The following INSR variants were observed in gnomAD, a reference collection of about 807,000 sequenced individuals.
INSR encodes the protein insulin receptor, also known as IR.
INSR carries 67 observed loss-of-function variants against 142.6 expected under a neutral mutation model. The observed-to-expected ratio is 0.47, with a 90% CI of 0.39 to 0.58. The LOEUF is 0.58. Ranked by LOEUF, INSR falls within the 20% of genes least tolerant of loss-of-function variation. The pLI, the probability that INSR is intolerant of heterozygous loss-of-function variation, is 0.00. For missense variants in INSR, 1,248 were observed against 1,833.2 expected (o/e 0.68, Z 5.83); for synonymous variants, 756 against 743.1 (o/e 1.02, Z -0.28).
chr19:7,158,367 G>A (rs556647556), intron 9 of INSR, among the ~76,000 whole-genome samples: 13 of 152,216 alleles, frequency 8.5e-5, no homozygotes, highest in East Asian at 5.8e-4. Flanking sequence ...CGGGCGTGGT[G>A]GCGGGCGCCT....
intron 13 of INSR, among the ~76,000 whole-genome samples, chr19:7,135,418 C>A (rs1388123713): frequency 7.4e-6 from 1 of 135,434 alleles, no homozygotes; most frequent in African/African-American, 2.8e-5. Context: ...CGAGTTCAAG[C>A]GATTCTCCTG....
At chr19:7,264,000 T>A (rs1229964336) in intron 2 of INSR, among the ~76,000 whole-genome samples, 1 of 152,002 alleles carries the variant, frequency 6.6e-6, no homozygotes, top group African/African-American at 2.4e-5. Flanking sequence ...AGAAATCCCA[T>A]CTCTACTAAA....
chr19:7,198,884 T>C (rs921256427), intron 2 of INSR, among the ~76,000 whole-genome samples: 1 of 120,012 alleles, frequency 8.3e-6, no homozygotes, highest in African/African-American at 2.9e-5. Flanking sequence ...TTCACCCCCA[T>C]AAATACACTT....
At position 7,119,353 on chromosome 19, in the gene INSR, C is replaced by T. The variant is rs1017572762; in HGVS notation, c.3794+96G>A. 5.1e-6 allele frequency: 7 copies of T among 1,363,538 alleles called. No individual in the cohort carries two copies. The African/African-American group carries it at 5.7e-5, about 11-fold the overall frequency. The allele number at this position is 1,363,538 out of a possible 1,614,324, so 84.5% of individuals were successfully genotyped here. A position where few individuals can be genotyped will look rare whatever the true frequency, so the allele number is the denominator to read the frequency against. On this transcript the variant is annotated intron_variant, in intron 21 of 21. Coordinates refer to ENST00000302850, the MANE Select transcript of INSR (RefSeq NM_000208.4). This position sits in a 1 kb window ranked among gnomAD's most constrained non-coding sequence, Gnocchi z 5.2. Reference sequence around the variant, plus strand: ...ACATACAGCATGCAAACACGGTGAGCGTGTAGACATAGGAAAGGCAAAACC... The same window carrying T: ...ACATACAGCATGCAAACACGGTGAGTGTGTAGACATAGGAAAGGCAAAACC...
chr19:7,194,436 A>G (rs1234621719), intron 2 of INSR, among the ~76,000 whole-genome samples: 1 of 142,964 alleles, frequency 7.0e-6, no homozygotes, highest in Non-Finnish European at 1.5e-5. Context: ...AAAAAAAATT[A>G]TCTTTGCCTT....
chr19:7,268,515 C>T (rs546584228), intron 1 of INSR: 1 of 985,376 alleles, frequency 1.0e-6, no homozygotes, highest in East Asian at 1.1e-4. Flanking sequence ...CAACGCCCAC[C>T]ATGGCTCCCC....
At position 7,115,493 on chromosome 19, in the gene INSR, T is replaced by C. The variant is rs1568422465; in HGVS notation, c.*1563A>G. 1 of 152,262 alleles carries C rather than the reference T, an allele frequency of 6.6e-6. No individual in the cohort carries two copies. The allele number at this position is 152,262 out of a possible 1,614,324, so 9.4% of individuals were successfully genotyped here. A position where few individuals can be genotyped will look rare whatever the true frequency, so the allele number is the denominator to read the frequency against. ...CTCAGAGCAGCTTCCGGGAGTTCAG[T>C]ACTGAGGACCGTCAGATGCTCTCAG... is the stretch of plus-strand genomic sequence containing the variant. On this transcript the variant is annotated 3_prime_UTR_variant, in exon 22 of 22. Coordinates refer to ENST00000302850, the MANE Select transcript of INSR (RefSeq NM_000208.4).
At chr19:7,249,696 T>TA (rs199926592) in intron 2 of INSR, among the ~76,000 whole-genome samples, 29 of 150,834 alleles carry the variant, frequency 1.9e-4, no homozygotes, top group Admixed American at 1.3e-3. Flanking sequence ...AAAAATAAAT[T>TA]AAAAAAAAAT....
intron 2 of INSR, among the ~76,000 whole-genome samples, chr19:7,265,611 T>C (rs536907609): frequency 6.6e-6 from 1 of 151,930 alleles, no homozygotes; most frequent in South Asian, 2.1e-4. Context: ...GGTGGGTGCC[T>C]GTAATCCCAG....
chr19:7,197,147 C>CGGG (rs1486116544), intron 2 of INSR, among the ~76,000 whole-genome samples: 1 of 152,228 alleles, frequency 6.6e-6, no homozygotes. Flanking sequence ...GTCCTTGAAG[C>CGGG]GGGGAAGCGC....
intron 3 of INSR, among the ~76,000 whole-genome samples, chr19:7,180,209 A>C (rs1189591940): frequency 1.3e-5 from 2 of 152,154 alleles, no homozygotes. Context: ...CACAAAGCTT[A>C]TCATCTGGTT....
rs1465167722 is a variant in INSR, at chr19:7,119,751, C to T, written c.3660-168G>A. 6.9e-6 allele frequency among the ~76,000 whole-genome samples: 1 copy of T among 144,830 alleles called. No individual in the cohort carries two copies. Among genetic ancestry groups the T allele is most frequent in the Non-Finnish European group, 1.5e-5 (1 of 66,058 alleles). Reference sequence around the variant, plus strand: ...ACACACGCACATACACGTGCACACACATGCAAATACACACAAACACGCATG... The same window carrying T: ...ACACACGCACATACACGTGCACACATATGCAAATACACACAAACACGCATG... On this transcript the variant is annotated intron_variant, in intron 20 of 21. Transcript: ENST00000302850. This position sits in a 1 kb window ranked among gnomAD's most constrained non-coding sequence, Gnocchi z 5.2.
intron 11 of INSR, among the ~76,000 whole-genome samples, chr19:7,145,005 T>A (rs915151331): frequency 6.6e-6 from 1 of 152,038 alleles, no homozygotes; most frequent in Non-Finnish European, 1.5e-5. Flanking sequence ...ATTAAAAATA[T>A]GCTATCACTC....
chr19:7,290,124 G>A (rs1968451805), intron 1 of INSR, among the ~76,000 whole-genome samples: 1 of 152,176 alleles, frequency 6.6e-6, no homozygotes, highest in Non-Finnish European at 1.5e-5. Flanking sequence ...AACTGCAGAG[G>A]CCAGACACCG....
At chr19:7,133,296 T>C (rs1273320055) in intron 13 of INSR, among the ~76,000 whole-genome samples, 3 of 152,088 alleles carry the variant, frequency 2.0e-5, no homozygotes, top group African/African-American at 4.8e-5. Flanking sequence ...ATAATAGTTG[T>C]GTACACGTAT....
At chr19:7,291,997 G>C (rs542602605) in intron 1 of INSR, among the ~76,000 whole-genome samples, 5 of 151,814 alleles carry the variant, frequency 3.3e-5, no homozygotes, top group African/African-American at 9.7e-5. Flanking sequence ...GTTTTACCGT[G>C]TTAGCCAGGA....
intron 2 of INSR, among the ~76,000 whole-genome samples, chr19:7,230,126 C>G (rs560335903): frequency 6.6e-6 from 1 of 152,186 alleles, no homozygotes; most frequent in Non-Finnish European, 1.5e-5. Flanking sequence ...CGGCCACATT[C>G]TCAGAGGCTC....
chr19:7,138,747 T>A (rs921018156), intron 13 of INSR, among the ~76,000 whole-genome samples: 4 of 152,188 alleles, frequency 2.6e-5, no homozygotes, highest in South Asian at 2.1e-4. Flanking sequence ...CATTCTCCAA[T>A]GGATGGACAT....
chr19:7,186,182 G>C (rs1381300994), intron 2 of INSR, among the ~76,000 whole-genome samples: 1 of 152,088 alleles, frequency 6.6e-6, no homozygotes, highest in Non-Finnish European at 1.5e-5. Context: ...GTGACAGAGG[G>C]AGACTCTGTC....
Sources: allele counts gnomAD v4.1 joint callset (sites outside exome capture counted in the v4.1 genomes callset), GRCh38; gene constraint gnomAD v4.1.1; non-coding constraint Gnocchi (gnomAD v3.1); transcripts MANE v1.5; gene names NCBI Gene and HGNC (gene_info 2026-07-23, HGNC 2026-07-21).